The following PXDN variants were observed in gnomAD, a reference collection of about 807,000 sequenced individuals.
PXDN encodes peroxidasin.
A neutral mutation model predicts 140.3 loss-of-function variants in PXDN; 77 were observed. That is an observed-to-expected ratio of 0.55 (90% confidence interval 0.46 to 0.66). PXDN has a LOEUF of 0.66. PXDN is among the 30% of genes least tolerant of loss of function. PXDN has a pLI of 0.00. For synonymous variants in PXDN, 911 were observed against 857.4 expected, an observed-to-expected ratio of 1.06 and a Z score of -1.09; for missense variants, 1,838 against 2,039.5, an observed-to-expected ratio of 0.90 and a Z score of 1.90.
chr2:1,738,635 G>A (rs571228631), intron 1 of PXDN, among the ~76,000 whole-genome samples: 6 of 150,614 alleles, frequency 4.0e-5, no homozygotes. Context: ...TACAACCTCC[G>A]CCTCCCAGGC....
chr2:1,722,110 G>C (rs1364203427), intron 1 of PXDN, among the ~76,000 whole-genome samples: 1 of 152,228 alleles, frequency 6.6e-6, no homozygotes, highest in Non-Finnish European at 1.5e-5. Context: ...ATGAACCCGA[G>C]AGGTGTTGAC....
intron 1 of PXDN, among the ~76,000 whole-genome samples, chr2:1,733,553 C>A (rs796135226): frequency 1.4e-4 from 21 of 152,106 alleles, no homozygotes; most frequent in African/African-American, 5.1e-4. Flanking sequence ...ACCAGCATGG[C>A]CAACATGGTG....
chr2:1,673,761 C>A lies in PXDN; in HGVS notation c.900G>T (p.Gly300=), dbSNP rs1420527121. 6.2e-7 allele frequency: 1 copy of A among 1,613,862 alleles called. No homozygotes were observed. Among genetic ancestry groups the A allele is most frequent in the Non-Finnish European group, 8.5e-7 (1 of 1,179,864 alleles). ...TDSRLNLLDD[G]TLMIQNTQET... ...CCTGTGTGTTCTGGATCATCAGGGT[C>A]CCATCGTCCAGCAAGTTTAGGCGGG... Residue 300 remains glycine (G), a synonymous_variant, in exon 9 of 23, where the codon GGG becomes GGT. Coordinates refer to ENST00000252804, the MANE Select transcript of PXDN (RefSeq NM_012293.3).
chr2:1,671,835 G>A (rs2125432710), intron 9 of PXDN, among the ~76,000 whole-genome samples: 1 of 152,266 alleles, frequency 6.6e-6, no homozygotes, highest in Admixed American at 6.5e-5. Context: ...AGGTTTTGTT[G>A]CTACTACTCA....
At chr2:1,690,239 A>G (rs1396421254) in intron 3 of PXDN, among the ~76,000 whole-genome samples, 1 of 151,996 alleles carries the variant, frequency 6.6e-6, no homozygotes, top group Non-Finnish European at 1.5e-5. Flanking sequence ...CTGAGTCATG[A>G]CCCACGGCCC....
intron 3 of PXDN, among the ~76,000 whole-genome samples, chr2:1,690,301 A>G (rs1684156484): frequency 6.6e-6 from 1 of 152,104 alleles, no homozygotes; most frequent in Admixed American, 6.5e-5. Flanking sequence ...GTCCTCCACC[A>G]CCAGGGACAC....
At chr2:1,727,051 C>G (rs1357789194) in intron 1 of PXDN, among the ~76,000 whole-genome samples, 2 of 152,198 alleles carry the variant, frequency 1.3e-5, no homozygotes, top group Non-Finnish European at 2.9e-5. Flanking sequence ...TAGGTCTGGT[C>G]GGTTAGACAA....
intron 1 of PXDN, among the ~76,000 whole-genome samples, chr2:1,694,694 G>A (rs1684260424): frequency 6.6e-6 from 1 of 152,204 alleles, no homozygotes; most frequent in Admixed American, 6.5e-5. Flanking sequence ...AATATCACTA[G>A]TGGCTCCACG....
intron 1 of PXDN, among the ~76,000 whole-genome samples, chr2:1,711,585 TCC>T (rs1684784950): frequency 1.6e-5 from 1 of 62,190 alleles, no homozygotes; most frequent in South Asian, 5.6e-4. Context: ...CAGCACCCAC[TCC>T]ACCAGCACCC....
chr2:1,669,881 C>T (rs916143516), intron 9 of PXDN: 3 of 152,034 alleles, frequency 2.0e-5, no homozygotes, highest in Admixed American at 2.0e-4. Flanking sequence ...TCCTTTTGCC[C>T]TGTTGTTTCT....
chr2:1,647,322 G>A lies in PXDN; in HGVS notation c.3608+850C>T, dbSNP rs1682870479. On this transcript the variant is annotated intron_variant, in intron 17 of 22. Transcript: ENST00000252804. Reference sequence around the variant, plus strand: ...AGAGCCGCTGAATGTCTCCACTTTGGGGAATTCTGAGTTAATGAGAACCCC... The same window carrying A: ...AGAGCCGCTGAATGTCTCCACTTTGAGGAATTCTGAGTTAATGAGAACCCC... Among the ~76,000 whole-genome samples the A allele has an allele frequency of 1.3e-5, 2 of 152,200 alleles. 1 individual carries two copies. The highest frequency in any genetic ancestry group is 4.1e-4 in the South Asian group (2 of 4,834).
Position 1,685,119 on chromosome 2 carries a change from G to A in PXDN, c.417-968C>T, listed in dbSNP as rs942182308. ...CGTCACCACCAGGGCACCAGAGTGC[G>A]GCTGCCAGGGCCCGCCCCGTCCCGG... On this transcript the variant is annotated intron_variant, in intron 4 of 22. Coordinates refer to ENST00000252804, the MANE Select transcript of PXDN (RefSeq NM_012293.3). This position sits in a 1 kb window ranked among gnomAD's most constrained non-coding sequence, Gnocchi z 5.1. Among the ~76,000 whole-genome samples the A allele has an allele frequency of 8.5e-5, 13 of 152,316 alleles. No homozygotes were observed. The highest frequency in any genetic ancestry group is 3.9e-4 in the East Asian group (2 of 5,164).
intron 12 of PXDN, among the ~76,000 whole-genome samples, chr2:1,662,754 C>T (rs895098891): frequency 2.6e-5 from 4 of 152,214 alleles, no homozygotes; most frequent in Non-Finnish European, 5.9e-5. Context: ...AACACAGAGC[C>T]AACCCGGCGG....
Position 1,740,954 on chromosome 2 carries a change from C to T in PXDN, c.200+3302G>A, listed in dbSNP as rs188912995. Among the ~76,000 whole-genome samples, 243 of 152,348 alleles carry T rather than the reference C, an allele frequency of 1.6e-3. 1 individual carries two copies. The highest frequency in any genetic ancestry group is 5.7e-3 in the African/African-American group (236 of 41,582). On this transcript the variant is annotated intron_variant, in intron 1 of 22. Coordinates refer to ENST00000252804, the MANE Select transcript of PXDN (RefSeq NM_012293.3). ...CCCCAAGCTCCACATGCCCAGACCC[C>T]TCCAATGTCAGGGTTTCTGTCACAG...
rs1682458445 is a variant in PXDN, at chr2:1,633,197, C to T, written c.*1007G>A. ...TTTTTTTTTTTTTAACGCACTCACACAACCTGAAGTTAGACAGTTCCCGAC... is the reference window on the plus strand; with the variant it reads ...TTTTTTTTTTTTTAACGCACTCACATAACCTGAAGTTAGACAGTTCCCGAC... On this transcript the variant is annotated 3_prime_UTR_variant, in exon 23 of 23. Transcript: ENST00000252804. 1 of 137,052 alleles carries T rather than the reference C, an allele frequency of 7.3e-6. No individual in the cohort carries two copies. The highest frequency in any genetic ancestry group is 2.4e-4 in the South Asian group (1 of 4,222). 8.5% of individuals were successfully genotyped at this position (137,052 alleles called of 1,614,324 possible).
At chr2:1,653,235 C>A (rs752138378) in intron 16 of PXDN, 1 of 334,142 alleles carries the variant, frequency 3.0e-6, no homozygotes, top group Non-Finnish European at 5.9e-6. Flanking sequence ...CCTCCTAATA[C>A]GCGTGGCACC....
rs1447181282 is a variant in PXDN, at chr2:1,660,387, C to T, written c.1837+494G>A. Among the ~76,000 whole-genome samples, 3 of 152,112 alleles carry T rather than the reference C, an allele frequency of 2.0e-5. No homozygotes were observed. Among genetic ancestry groups the T allele is most frequent in the Admixed American group, 1.3e-4 (2 of 15,274 alleles). ...GGAGTCAGGACGGCTCTAGGACCAC[C>T]GACTGGATCTATGTAAGGCTGCCTA... On this transcript the variant is annotated intron_variant, in intron 14 of 22. Coordinates refer to ENST00000252804, the MANE Select transcript of PXDN (RefSeq NM_012293.3). This position sits in a 1 kb window ranked among gnomAD's most constrained non-coding sequence, Gnocchi z 4.6.
At chr2:1,665,970 C>G (rs1240590492) in intron 10 of PXDN, among the ~76,000 whole-genome samples, 1 of 152,212 alleles carries the variant, frequency 6.6e-6, no homozygotes, top group African/African-American at 2.4e-5. Flanking sequence ...TGGCCAGGTG[C>G]TGGAGGTACA....
At chr2:1,681,806 A>G (rs1177434148) in intron 6 of PXDN, among the ~76,000 whole-genome samples, 2 of 152,230 alleles carry the variant, frequency 1.3e-5, no homozygotes, top group Non-Finnish European at 2.9e-5. Flanking sequence ...AGATGGTCAT[A>G]GTCAGGTATG....
Sources: allele counts gnomAD v4.1 joint callset (sites outside exome capture counted in the v4.1 genomes callset), GRCh38; gene constraint gnomAD v4.1.1; non-coding constraint Gnocchi (gnomAD v3.1); transcripts MANE v1.5; gene names NCBI Gene and HGNC (gene_info 2026-07-23, HGNC 2026-07-21).